DNAAF9: variants seen among roughly 807,000 people sequenced by gnomAD.
The protein encoded by DNAAF9 is shulin.
A neutral mutation model predicts 167.0 loss-of-function variants in DNAAF9; 90 were observed. That is an observed-to-expected ratio of 0.54 (90% CI 0.45 to 0.64). The LOEUF (loss-of-function observed/expected upper bound fraction) is 0.64, where lower values mean the gene tolerates loss of function less well. Ranked by LOEUF, DNAAF9 falls within the 30% of genes least tolerant of loss-of-function variation. DNAAF9 has a pLI of 0.00. For missense variants in DNAAF9, 1,315 were observed against 1,442.2 expected (o/e 0.91, Z 1.43); for synonymous variants, 491 against 508.8 (o/e 0.96, Z 0.47).
chr20:3,260,135 C>A (rs1473617874), intron 31 of DNAAF9, 107 bp from the exon 32 acceptor site: 5 of 576,192 alleles, frequency 8.7e-6, no homozygotes, highest in African/African-American at 7.6e-5. Context: ...GTCAGGAGAT[C>A]GAGACCATCC....
chr20:3,302,460 C>T (rs2069207385), intron 21 of DNAAF9, among the ~76,000 whole-genome samples: 1 of 152,122 alleles, frequency 6.6e-6, no homozygotes, highest in African/African-American at 2.4e-5. Flanking sequence ...TGCAACAGAA[C>T]ACTAGAATTT....
At chr20:3,332,440 T>A in intron 10 of DNAAF9, 79 bp from the exon 11 acceptor site, 3 of 706,156 alleles carry the variant, frequency 4.2e-6, no homozygotes, top group Non-Finnish European at 7.5e-6. Context: ...AAGTATAGAG[T>A]CAATGGAAAT....
intron 27 of DNAAF9, 51 bp downstream of exon 27, chr20:3,287,581 G>A: frequency 6.4e-7 from 1 of 1,564,302 alleles, no homozygotes; most frequent in Non-Finnish European, 8.8e-7. Context: ...AAGAGTAATG[G>A]CAAGGTCATC....
intron 27 of DNAAF9, among the ~76,000 whole-genome samples, chr20:3,283,431 T>C (rs2068795427): frequency 1.3e-5 from 2 of 152,358 alleles, no homozygotes; most frequent in South Asian, 4.1e-4. Context: ...CGGGGTTTAC[T>C]AGGTTCTAAG....
intron 33 of DNAAF9, among the ~76,000 whole-genome samples, chr20:3,257,184 A>T (rs2068296530): frequency 6.6e-6 from 1 of 152,130 alleles, no homozygotes; most frequent in Admixed American, 6.5e-5. Context: ...AAGCGAGGTT[A>T]AATTTGAACA....
intron 25 of DNAAF9, 70 bp from the exon 26 acceptor site, chr20:3,290,287 C>T (rs1003104204): frequency 2.0e-6 from 2 of 1,004,442 alleles, no homozygotes; most frequent in Non-Finnish European, 1.6e-6. Flanking sequence ...GTTAAGAGAA[C>T]TGACTTCTGG....
At chr20:3,404,634 C>T (rs2084031869) in intron 1 of DNAAF9, among the ~76,000 whole-genome samples, 1 of 152,140 alleles carries the variant, frequency 6.6e-6, no homozygotes, top group Admixed American at 6.6e-5. Flanking sequence ...CTGTCTCTTC[C>T]CCTTTACAAA....
At chr20:3,287,104 A>G (rs925209382) in intron 27 of DNAAF9, among the ~76,000 whole-genome samples, 4 of 152,190 alleles carry the variant, frequency 2.6e-5, no homozygotes, top group Admixed American at 2.0e-4. Flanking sequence ...CAGAGACTTC[A>G]TGAGCTAGTC....
intron 30 of DNAAF9, among the ~76,000 whole-genome samples, chr20:3,268,966 C>T (rs531061461): frequency 6.0e-4 from 76 of 127,596 alleles, no homozygotes; most frequent in Admixed American, 1.7e-3. Context: ...TGCAGTGGTG[C>T]GGTCTTGGCT....
At chr20:3,272,469 C>T (rs1031815719) in intron 29 of DNAAF9, among the ~76,000 whole-genome samples, 1 of 152,098 alleles carries the variant, frequency 6.6e-6, no homozygotes, top group Admixed American at 6.6e-5. Context: ...TCAAGTGATC[C>T]TCATGCCTTG....
intron 7 of DNAAF9, among the ~76,000 whole-genome samples, chr20:3,351,317 C>A (rs997009497): frequency 6.6e-6 from 1 of 152,130 alleles, no homozygotes; most frequent in African/African-American, 2.4e-5. Context: ...AACCCCGTCT[C>A]TACTAAAAAT....
chr20:3,333,985 G>C (rs2069889378), intron 10 of DNAAF9, among the ~76,000 whole-genome samples: 1 of 152,170 alleles, frequency 6.6e-6, no homozygotes, highest in African/African-American at 2.4e-5. Context: ...AACATTTTAA[G>C]TCAGGCTGAA....
Position 3,332,318 on chromosome 20 carries a change from C to T in DNAAF9, c.1025G>A (p.Arg342Lys). The T allele has an allele frequency of 6.2e-7, 1 of 1,609,178 alleles. No individual in the cohort carries two copies. Among genetic ancestry groups the T allele is most frequent in the Non-Finnish European group, 8.5e-7 (1 of 1,175,776 alleles). The change falls in exon 11 of 37, where the codon AGA becomes AAA. Residue 342 changes from arginine to lysine, a missense_variant. Arg to Lys is a conservative substitution (Grantham distance 26, BLOSUM62 2). Coordinates refer to ENST00000252032, the MANE Select transcript of DNAAF9 (RefSeq NM_001009984.3). Reference sequence around the variant, plus strand: ...ATGAGTAGCTCCAAAAAAGTATGTTCTCGAACAAGCAAGAGGTCCCTTTGG... The same window carrying T: ...ATGAGTAGCTCCAAAAAAGTATGTTTTCGAACAAGCAAGAGGTCCCTTTGG... ...VSPKGPLACS[R>K]TYFFGATHVP...
intron 36 of DNAAF9, among the ~76,000 whole-genome samples, chr20:3,253,295 G>C (rs2068224077): frequency 1.3e-5 from 2 of 152,296 alleles, no homozygotes; most frequent in South Asian, 4.1e-4. Context: ...TACAAAATTA[G>C]CCGGGCACGG....
rs529678391 is a variant in DNAAF9, at chr20:3,283,535, C to T, written c.2487-1769G>A. On this transcript the variant is annotated intron_variant, in intron 27 of 36. Transcript: ENST00000252032. ...CTGGGCATGTATGTATGACCACACG[C>T]GGCTCTTTCCACTGAGTGCCTGGCT... Among the ~76,000 whole-genome samples, 3 of 152,322 alleles carry T rather than the reference C, an allele frequency of 2.0e-5. No homozygotes were observed. The South Asian group carries it at 6.2e-4, about 32-fold the overall frequency.
At position 3,332,956 on chromosome 20, in the gene DNAAF9, T is replaced by C. The variant is rs1300791037; in HGVS notation, c.982-595A>G. ...GTGTGTGGTTTAAACCTTGGCTATA[T>C]TGTGAGGGTGCTGTTGGATACTCAG... On this transcript the variant is annotated intron_variant, in intron 10 of 36. Transcript: ENST00000252032. 4.6e-5 allele frequency among the ~76,000 whole-genome samples: 7 copies of C among 150,804 alleles called. No homozygotes were observed. In the East Asian group the frequency reaches 1.4e-3, roughly 29 times the overall value.
At chr20:3,323,298 T>C (rs1440352153) in intron 14 of DNAAF9, among the ~76,000 whole-genome samples, 1 of 98,498 alleles carries the variant, frequency 1.0e-5, no homozygotes, top group African/African-American at 3.8e-5. Context: ...TTTTTTTTTT[T>C]TGAGACAGAG....
intron 8 of DNAAF9, among the ~76,000 whole-genome samples, chr20:3,347,643 G>A (rs749468015): frequency 1.5e-4 from 23 of 152,042 alleles, no homozygotes; most frequent in Non-Finnish European, 3.1e-4. Context: ...AATATGTAAA[G>A]GTAGCCGGAT....
At chr20:3,333,003 A>C (rs1191862753) in intron 10 of DNAAF9, among the ~76,000 whole-genome samples, 1 of 151,688 alleles carries the variant, frequency 6.6e-6, no homozygotes, top group African/African-American at 2.4e-5. Context: ...ATGCTAGGGC[A>C]ATCATGATTC....
Sources: gnomAD v4.1 joint callset for allele counts (sites outside exome capture counted in the v4.1 genomes callset) on GRCh38, gnomAD v4.1.1 for gene constraint, MANE v1.5 for transcripts, NCBI Gene and HGNC (gene_info 2026-07-23, HGNC 2026-07-21) for gene names.